The following WDR18 variants were observed in gnomAD, a reference collection of about 807,000 sequenced individuals.
The protein encoded by WDR18 is WD repeat-containing protein 18.
Under a neutral mutation model 49.6 loss-of-function variants are expected in WDR18, and 33 were observed. The observed-to-expected ratio is 0.67, with a 90% CI of 0.50 to 0.89. The LOEUF is 0.89. Ranked by LOEUF, WDR18 falls within the 40% of genes least tolerant of loss-of-function variation. The pLI, the probability that WDR18 is intolerant of heterozygous loss-of-function variation, is 0.00. For missense variants in WDR18, 653 were observed against 593.6 expected (o/e 1.10, Z -1.04); for synonymous variants, 315 against 263.6 (o/e 1.19, Z -1.89).
intron 2 of WDR18, among the ~76,000 whole-genome samples, chr19:989,113 G>A (rs1396817266): frequency 4.5e-4 from 15 of 33,218 alleles, no homozygotes; most frequent in African/African-American, 1.6e-3. Context: ...CTCAGCCCTC[G>A]AACCCACAAA....
In WDR18 at chr19:990,870, G is replaced by T; in HGVS notation, c.616G>T (p.Gly206Trp). 6.2e-7 allele frequency: 1 copy of T among 1,610,544 alleles called. No individual in the cohort carries two copies. Among genetic ancestry groups the T allele is most frequent in the South Asian group, 1.1e-5 (1 of 90,792 alleles). ...QTVKLWEVSSGELLLSVLFDV... is the reference protein window; with the variant it reads ...QTVKLWEVSSWELLLSVLFDV... ...CCCGCAGCTATGGGAGGTCTCCTCG[G>T]GGGAGCTGCTGCTCTCCGTCCTCTT... Residue 206 changes from glycine (G) to tryptophan (W), a missense_variant, in exon 5 of 10, where the codon GGG becomes TGG. Transcript: ENST00000585809.
chr19:990,854 A>G lies in WDR18; in HGVS notation c.600A>G (p.Leu200=), dbSNP rs1645922647. The G allele has an allele frequency of 6.2e-7, 1 of 1,604,676 alleles. No homozygotes were observed. The highest frequency in any genetic ancestry group is 8.5e-7 in the Non-Finnish European group (1 of 1,175,294). The change falls in exon 5 of 10, where the codon CTA becomes CTG. Residue 200 remains leucine (L), a splice_region_variant and synonymous_variant. Coordinates refer to ENST00000585809, the MANE Select transcript of WDR18 (RefSeq NM_024100.4). ...ATSSLDQTVK[L]WEVSSGELLL... is the part of the protein sequence containing the mutation. ...CCACGCCCTTTGCCCACCCGCAGCT[A>G]TGGGAGGTCTCCTCGGGGGAGCTGC...
chr19:989,667 C>A, intron 2 of WDR18, 95 bp from the exon 3 acceptor site: 1 of 1,543,794 alleles, frequency 6.5e-7, no homozygotes, highest in South Asian at 1.2e-5. Context: ...ACAGTGTGGC[C>A]ATGGCCGTGC....
intron 2 of WDR18, among the ~76,000 whole-genome samples, chr19:987,765 T>A (rs2038489266): frequency 6.6e-6 from 1 of 151,176 alleles, no homozygotes; most frequent in African/African-American, 2.4e-5. Flanking sequence ...CTTCCTGTTC[T>A]TGGCTCGGGA....
intron 1 of WDR18, among the ~76,000 whole-genome samples, chr19:984,805 A>G (rs950990362): frequency 4.7e-5 from 7 of 149,992 alleles, no homozygotes; most frequent in African/African-American, 1.7e-4. Context: ...AGTGGGGGAA[A>G]ATGGGAGACG....
rs548794601 is a variant in WDR18 at position 994,419 on chromosome 19, C to T, written c.*75C>T. The T allele has an allele frequency of 2.6e-5, 40 of 1,523,530 alleles. 2 individuals are homozygous for T. In the African/African-American group the frequency reaches 4.8e-4, roughly 18 times the overall value. The allele number at this position is 1,523,530 out of a possible 1,614,324, so 94.4% of individuals were successfully genotyped here. A position where few individuals can be genotyped will look rare whatever the true frequency, so the allele number is the denominator to read the frequency against. ...CAGCAACCAGGGCCCGCGGGTGTGG[C>T]CCCCACCAGCCCAGGCCTGGACTCT... On this transcript the variant is annotated 3_prime_UTR_variant, in exon 10 of 10. Transcript: ENST00000585809.
chr19:984,169 G>A (rs1380000557), upstream of WDR18: 5 of 630,458 alleles, frequency 7.9e-6, no homozygotes, highest in East Asian at 1.0e-4. Context: ...AGCAGGCCGC[G>A]CGACCCTCGA....
At chr19:987,835 T>TTTG (rs1555734849) in intron 2 of WDR18, among the ~76,000 whole-genome samples, 5 of 36,972 alleles carry the variant, frequency 1.4e-4, no homozygotes, top group Admixed American at 2.5e-4. Context: ...TCCAGTTTTT[T>TTTG]TTTTTTTTTT....
rs1323590520 is a variant in WDR18, at chr19:990,900, G to A, written c.646G>A (p.Val216Met). Residue 216 changes from valine (V) to methionine (M), a missense_variant, in exon 5 of 10, where the codon GTG (valine) becomes ATG (methionine). Physicochemically the swap from Val to Met is conservative, Grantham distance 21. Coordinates refer to ENST00000585809, the MANE Select transcript of WDR18 (RefSeq NM_024100.4). ...GELLLSVLFD[V>M]SIMAVTMDLA... ...GCTGCTGCTCTCCGTCCTCTTTGAC[G>A]TGTCCATCATGGCAGTGACCATGGA... The A allele has an allele frequency of 2.5e-6, 4 of 1,612,554 alleles. No individual in the cohort carries two copies. Among genetic ancestry groups the A allele is most frequent in the Admixed American group, 1.7e-5 (1 of 59,980 alleles).
intron 4 of WDR18, 72 bp downstream of exon 4, chr19:990,436 G>A: frequency 1.4e-6 from 2 of 1,449,336 alleles, no homozygotes; most frequent in Admixed American, 2.7e-5. Flanking sequence ...CAGGAATGCA[G>A]GAATCGCCTC....
intron 8 of WDR18, among the ~76,000 whole-genome samples, chr19:992,447 C>T (rs538433070): frequency 1.5e-3 from 234 of 152,370 alleles, no homozygotes; most frequent in South Asian, 2.7e-3. Context: ...CCCCATACTT[C>T]GGGCTGTGAG....
rs146842156 is a variant in WDR18, at chr19:984,737, C to T, written c.210+174C>T. Among the ~76,000 whole-genome samples, 1,005 of 150,692 alleles carry T rather than the reference C, an allele frequency of 6.7e-3. 2 individuals are homozygous for T. Among genetic ancestry groups the T allele is most frequent in the African/African-American group, 0.016 (666 of 40,796 alleles). Reference sequence around the variant, plus strand: ...TCTGGGGGCTTTGGGGAGATACGTGCGACCTGTTAGGCCGCTCTGCGCACG... The same window carrying T: ...TCTGGGGGCTTTGGGGAGATACGTGTGACCTGTTAGGCCGCTCTGCGCACG... On this transcript the variant is annotated intron_variant, in intron 1 of 9. Coordinates refer to ENST00000585809, the MANE Select transcript of WDR18 (RefSeq NM_024100.4).
Position 990,873 on chromosome 19 carries a change from G to C in WDR18, c.619G>C (p.Glu207Gln), listed in dbSNP as rs1398950665. The part of the protein sequence containing the change: ...TVKLWEVSSG[E>Q]LLLSVLFDVS... ...GCAGCTATGGGAGGTCTCCTCGGGGGAGCTGCTGCTCTCCGTCCTCTTTGA... is the reference window on the plus strand; with the variant it reads ...GCAGCTATGGGAGGTCTCCTCGGGGCAGCTGCTGCTCTCCGTCCTCTTTGA... Residue 207 changes from glutamate (E) to glutamine (Q), a missense_variant, in exon 5 of 10, where the codon GAG becomes CAG. Glu to Gln is a conservative substitution (Grantham distance 29). Transcript: ENST00000585809. 6.2e-7 allele frequency: 1 copy of C among 1,611,004 alleles called. No homozygotes were observed. Among genetic ancestry groups the C allele is most frequent in the Non-Finnish European group, 8.5e-7 (1 of 1,178,936 alleles).
At chr19:990,153 G>T (rs145174010) in intron 3 of WDR18, 70 bp from the exon 4 acceptor site, 16 of 1,496,186 alleles carry the variant, frequency 1.1e-5, no homozygotes, top group Middle Eastern at 2.1e-4. Flanking sequence ...CGTGAGGTGG[G>T]TGCTGGAGGC....
chr19:985,828 C>T (rs1330658913), intron 1 of WDR18, 37 bp from the exon 2 acceptor site: 2 of 1,605,928 alleles, frequency 1.2e-6, no homozygotes, highest in African/African-American at 1.3e-5. Context: ...CTCCCGTGTC[C>T]TGCATGGGGC....
At chr19:984,256 AC>A, upstream of WDR18, 3 of 1,270,094 alleles carry the variant, frequency 2.4e-6, no homozygotes, top group Non-Finnish European at 3.1e-6. Flanking sequence ...CGGGTCGGCC[AC>A]CCGCTGGGGC....
upstream of WDR18, among the ~76,000 whole-genome samples, chr19:983,603 C>G (rs1033622811): frequency 4.6e-5 from 7 of 150,626 alleles, no homozygotes; most frequent in African/African-American, 1.5e-4. Context: ...TGGTCCGTGA[C>G]GGGCAGCCGT....
At chr19:989,392 G>A (rs1429557869) in intron 2 of WDR18, among the ~76,000 whole-genome samples, 3 of 152,172 alleles carry the variant, frequency 2.0e-5, no homozygotes, top group Non-Finnish European at 4.4e-5. Flanking sequence ...AATGGTGGGA[G>A]CCGCCTGCAG....
At chr19:990,579 A>G (rs1177629444) in intron 4 of WDR18, 4 of 860,476 alleles carry the variant, frequency 4.6e-6, no homozygotes, top group Non-Finnish European at 5.1e-6. Context: ...TCCCTGGCCA[A>G]GCCTGGGGAA....
Sources: allele counts gnomAD v4.1 joint callset (sites outside exome capture counted in the v4.1 genomes callset), GRCh38; gene constraint gnomAD v4.1.1; transcripts MANE v1.5; gene names NCBI Gene and HGNC (gene_info 2026-07-23, HGNC 2026-07-21).